Variants in JAK1 observed in about 807,000 individuals in gnomAD.
JAK1 encodes tyrosine-protein kinase JAK1.
JAK1 carries 16 observed loss-of-function variants against 136.6 expected under a neutral mutation model. The observed-to-expected ratio is 0.12, with a 90% CI of 0.08 to 0.18. The LOEUF is 0.18. Among genes scored for constraint, JAK1 ranks in the 10% least tolerant of loss-of-function variants. The probability of loss-of-function intolerance (pLI) is 1.00; values close to 1 mark genes in which losing one functional copy is unlikely to be tolerated. For synonymous variants in JAK1, 492 were observed against 519.5 expected (o/e 0.95, Z 0.72); for missense variants, 859 against 1,450.1 (o/e 0.59, Z 6.62).
chr1:64,837,706 C>T (rs1240640600), intron 22 of JAK1, among the ~76,000 whole-genome samples: 2 of 152,192 alleles, frequency 1.3e-5, no homozygotes, highest in African/African-American at 2.4e-5. Context: ...CCTTGGAAGA[C>T]GGTGTCATAT....
intron 13 of JAK1, 146 bp downstream of exon 13, chr1:64,847,386 A>T (rs1302507197): frequency 1.1e-6 from 1 of 876,636 alleles, no homozygotes; most frequent in Admixed American, 2.2e-5. Context: ...CACTAAGATC[A>T]TATGTGGAGA....
At chr1:64,916,083 C>T (rs1325801444) in intron 1 of JAK1, among the ~76,000 whole-genome samples, 1 of 152,106 alleles carries the variant, frequency 6.6e-6, no homozygotes, top group East Asian at 1.9e-4. Context: ...TTCACAAGCC[C>T]GAGGCACATG....
At chr1:64,940,498 G>T (rs1645870472) in intron 1 of JAK1, among the ~76,000 whole-genome samples, 1 of 151,906 alleles carries the variant, frequency 6.6e-6, no homozygotes, top group Non-Finnish European at 1.5e-5. Context: ...TGTATTTTTA[G>T]TAGAGATGGA....
chr1:64,852,860 C>T (rs375507723), intron 11 of JAK1, among the ~76,000 whole-genome samples: 3 of 152,162 alleles, frequency 2.0e-5, no homozygotes, highest in African/African-American at 7.2e-5. Context: ...TGGTTGCCGC[C>T]GTGATTATGA....
intron 1 of JAK1, among the ~76,000 whole-genome samples, chr1:64,894,213 C>A (rs1644979871): frequency 6.6e-6 from 1 of 152,212 alleles, no homozygotes; most frequent in African/African-American, 2.4e-5. Flanking sequence ...TGATCTCAAG[C>A]CACCTCTGTA....
At chr1:64,982,398 G>T (rs140330018) in intron 2 of JAK1, among the ~76,000 whole-genome samples, 1 of 152,148 alleles carries the variant, frequency 6.6e-6, no homozygotes, top group Non-Finnish European at 1.5e-5. Context: ...GCCACAGTCC[G>T]GGAGGTAAAT....
chr1:64,886,190 G>C lies in JAK1; in HGVS notation c.6+69C>G, dbSNP rs1644849568. The C allele has an allele frequency of 6.7e-6, 7 of 1,039,232 alleles. No individual in the cohort carries two copies. In the South Asian group the frequency reaches 9.6e-5, roughly 14 times the overall value. 64.4% of individuals were successfully genotyped at this position (1,039,232 alleles called of 1,614,324 possible). ...AGCACCAATAGCCCTACAGCCTCAAGAACACGGTTTCATCAATTTTTTTAA... is the reference window on the plus strand; with the variant it reads ...AGCACCAATAGCCCTACAGCCTCAACAACACGGTTTCATCAATTTTTTTAA... On this transcript the variant is annotated intron_variant, in intron 2 of 24. Transcript: ENST00000342505.
At chr1:64,986,982 C>A (rs1646606163) in intron 2 of JAK1, among the ~76,000 whole-genome samples, 2 of 152,070 alleles carry the variant, frequency 1.3e-5, no homozygotes, top group African/African-American at 4.8e-5. Flanking sequence ...GGGACCAAGG[C>A]CTTAACGTTG....
chr1:64,859,784 T>C (rs575077650), intron 9 of JAK1: 1 of 182,958 alleles, frequency 5.5e-6, no homozygotes, highest in Admixed American at 6.2e-5. Context: ...GTTCAGTGTT[T>C]CTTGAATTGC....
rs1457173619 is a variant in JAK1 at position 64,954,429 on chromosome 1, CAG to C, written c.-78+11902_-78+11903del. ...GTGGGATGATGTGCTACAAATCCCACAGAGCTGGGAGGACATGACCTACCCCA... is the reference window on the plus strand; with the variant it reads ...GTGGGATGATGTGCTACAAATCCCACAGCTGGGAGGACATGACCTACCCCA... On this transcript the variant is annotated intron_variant, in intron 1 of 24. Coordinates refer to ENST00000342505, the MANE Select transcript of JAK1 (RefSeq NM_002227.4). 4.6e-5 allele frequency among the ~76,000 whole-genome samples: 7 copies of C among 152,346 alleles called. No homozygotes were observed. The East Asian group carries it at 5.8e-4, about 13-fold the overall frequency.
intron 2 of JAK1, among the ~76,000 whole-genome samples, chr1:64,999,172 T>C (rs2993612): frequency 0.31 from 47,442 of 152,034 alleles, 10,514 homozygotes; most frequent in African/African-American, 0.6. Context: ...TTGAAGGCTC[T>C]ATAAATCACT....
chr1:64,841,828 A>G (rs1198396722), intron 17 of JAK1, among the ~76,000 whole-genome samples: 1 of 152,218 alleles, frequency 6.6e-6, no homozygotes, highest in African/African-American at 2.4e-5. Context: ...CCCAGTCCCA[A>G]AAAGCTTCAT....
At chr1:64,910,014 T>C (rs1645255770) in intron 1 of JAK1, among the ~76,000 whole-genome samples, 1 of 152,202 alleles carries the variant, frequency 6.6e-6, no homozygotes, top group South Asian at 2.1e-4. Flanking sequence ...ATATTCTTTA[T>C]TGACTCTCAG....
At chr1:64,951,182 A>G (rs893575084) in intron 1 of JAK1, among the ~76,000 whole-genome samples, 1 of 152,214 alleles carries the variant, frequency 6.6e-6, no homozygotes, top group Non-Finnish European at 1.5e-5. Flanking sequence ...AATTCGTTTG[A>G]CTGCTTTGCT....
At position 64,833,408 on chromosome 1, in the gene JAK1, C is replaced by T. The variant is rs369244694; in HGVS notation, c.*1154G>A. 26 of 232,506 alleles carry T rather than the reference C, an allele frequency of 1.1e-4. No individual in the cohort carries two copies. Among genetic ancestry groups the T allele is most frequent in the Non-Finnish European group, 1.7e-4 (20 of 117,460 alleles). 14.4% of individuals were successfully genotyped at this position (232,506 alleles called of 1,614,324 possible). On this transcript the variant is annotated 3_prime_UTR_variant, in exon 25 of 25. Coordinates refer to ENST00000342505, the MANE Select transcript of JAK1 (RefSeq NM_002227.4). ...ACAGGTGAAAAGTAACAATATCAAA[C>T]GAATACTAAACAGCATAACAAAAAG... is the stretch of plus-strand genomic sequence containing the variant.
chr1:64,966,952 G>A (rs1646397616), upstream of JAK1, among the ~76,000 whole-genome samples: 2 of 152,000 alleles, frequency 1.3e-5, no homozygotes, highest in African/African-American at 4.8e-5. Flanking sequence ...CAGCTCAGTA[G>A]GAGAGGAGCT....
intron 1 of JAK1, among the ~76,000 whole-genome samples, chr1:64,955,449 A>G (rs1390445414): frequency 6.6e-6 from 1 of 152,248 alleles, no homozygotes; most frequent in African/African-American, 2.4e-5. Context: ...AGTGCATTAA[A>G]TGAACAAGAA....
chr1:64,950,135 C>T (rs928230207), intron 1 of JAK1, among the ~76,000 whole-genome samples: 10 of 152,024 alleles, frequency 6.6e-5, no homozygotes, highest in Middle Eastern at 3.2e-3. Context: ...TTAGGCCGGG[C>T]GCAGTGGCTT....
At chr1:64,872,815 T>C (rs1057034093) in intron 5 of JAK1, among the ~76,000 whole-genome samples, 6 of 152,174 alleles carry the variant, frequency 3.9e-5, no homozygotes, top group African/African-American at 1.4e-4. Flanking sequence ...ATTTTCAAAA[T>C]CTATACAGTA....
Sources: allele counts gnomAD v4.1 joint callset (sites outside exome capture counted in the v4.1 genomes callset), GRCh38; gene constraint gnomAD v4.1.1; transcripts MANE v1.5; gene names NCBI Gene and HGNC (gene_info 2026-07-23, HGNC 2026-07-21).